Variants in UBE4B observed in about 807,000 individuals in gnomAD.
UBE4B encodes the protein ubiquitination factor E4B.
In UBE4B, 27 loss-of-function variants were observed where a neutral mutation model predicts 148.1. The observed-to-expected ratio is 0.18, with a 90% CI of 0.13 to 0.25. UBE4B has a LOEUF of 0.25. Among genes scored for constraint, UBE4B ranks in the 10% least tolerant of loss-of-function variants. The pLI is 1.00. For missense variants in UBE4B, 1,170 were observed against 1,662.4 expected (o/e 0.70, Z 5.15); for synonymous variants, 596 against 619.3 (o/e 0.96, Z 0.56).
intron 25 of UBE4B, among the ~76,000 whole-genome samples, chr1:10,175,521 G>A (rs1003810198): frequency 2.0e-5 from 3 of 151,624 alleles, no homozygotes; most frequent in Non-Finnish European, 4.4e-5. Flanking sequence ...CGTGGTGGCG[G>A]GCGCCCGTAG....
chr1:10,050,872 C>T (rs932625175), intron 1 of UBE4B, among the ~76,000 whole-genome samples: 8 of 152,024 alleles, frequency 5.3e-5, no homozygotes, highest in Non-Finnish European at 1.0e-4. Context: ...GGCCTGCCTC[C>T]CAATTCTAGT....
chr1:10,091,490 G>C (rs1644845851), intron 2 of UBE4B, among the ~76,000 whole-genome samples: 1 of 151,994 alleles, frequency 6.6e-6, no homozygotes, highest in South Asian at 2.1e-4. Flanking sequence ...TGTTGCCCAT[G>C]CTGGAGTGCA....
chr1:10,061,631 C>T (rs1215354316), intron 1 of UBE4B, among the ~76,000 whole-genome samples: 2 of 152,012 alleles, frequency 1.3e-5, no homozygotes, highest in Non-Finnish European at 2.9e-5. Context: ...GGTAAGGGAT[C>T]TCCTTGAAAA....
intron 17 of UBE4B, among the ~76,000 whole-genome samples, chr1:10,137,599 A>T (rs1434850927): frequency 1.3e-5 from 2 of 152,168 alleles, no homozygotes; most frequent in African/African-American, 4.8e-5. Flanking sequence ...GATAACCAGG[A>T]TCATTTACTC....
intron 19 of UBE4B, 24 bp downstream of exon 19, chr1:10,147,114 C>T: frequency 6.2e-7 from 1 of 1,613,858 alleles, no homozygotes; most frequent in Non-Finnish European, 8.5e-7. Flanking sequence ...TTCCTGTTTC[C>T]CTTGTCCCTC....
Position 10,035,726 on chromosome 1 carries a change from T to A in UBE4B, c.24+2032T>A, listed in dbSNP as rs1043463653. Reference sequence around the variant, plus strand: ...CGGCCAGAGATAGTTTTTTTATTTTTTTTTATTTTTTATTTATTTTATTTT... The same window carrying A: ...CGGCCAGAGATAGTTTTTTTATTTTATTTTATTTTTTATTTATTTTATTTT... On this transcript the variant is annotated intron_variant, in intron 1 of 27. Coordinates refer to ENST00000343090, the MANE Select transcript of UBE4B (RefSeq NM_001105562.3). 4.2e-5 allele frequency among the ~76,000 whole-genome samples: 6 copies of A among 143,404 alleles called. No homozygotes were observed. In the East Asian group the frequency reaches 1.1e-3, roughly 25 times the overall value. 94.1% of individuals were successfully genotyped at this position (143,404 alleles called of 152,430 possible).
intron 2 of UBE4B, among the ~76,000 whole-genome samples, chr1:10,094,079 C>T (rs1236107809): frequency 1.3e-5 from 2 of 152,060 alleles, no homozygotes; most frequent in African/African-American, 4.8e-5. Flanking sequence ...CCTGGGTAAA[C>T]ATTCTTCTTT....
Position 10,117,506 on chromosome 1 carries a change from A to G in UBE4B, c.1244A>G (p.His415Arg). The change falls in exon 8 of 28, where the codon CAT becomes CGT. Residue 415 changes from histidine to arginine, a missense_variant. By Grantham distance (29) the His-to-Arg change is conservative. Transcript: ENST00000343090. ...AGTAATTGGGATTCCTACAGTGACC[A>G]TTTCACCATTGAAACCTGCAAAGAG... is the stretch of plus-strand genomic sequence containing the variant. ...GASNWDSYSD[H>R]FTIETCKETD... is the part of the protein sequence containing the mutation. 2 of 1,613,132 alleles carry G rather than the reference A, an allele frequency of 1.2e-6. No individual in the cohort carries two copies. Among genetic ancestry groups the G allele is most frequent in the Non-Finnish European group, 1.7e-6 (2 of 1,179,776 alleles).
chr1:10,057,458 C>T (rs1644196089), intron 1 of UBE4B, among the ~76,000 whole-genome samples: 1 of 147,380 alleles, frequency 6.8e-6, no homozygotes, highest in African/African-American at 2.5e-5. Flanking sequence ...TGTCTGTTGC[C>T]CAGGCTGGAG....
At chr1:10,116,697 A>G (rs761500496) in intron 7 of UBE4B, among the ~76,000 whole-genome samples, 5 of 152,178 alleles carry the variant, frequency 3.3e-5, no homozygotes, top group Non-Finnish European at 7.4e-5. Context: ...GAGGATAGTT[A>G]CTACTAACAT....
chr1:10,139,243 A>G (rs1645747335), intron 17 of UBE4B, among the ~76,000 whole-genome samples: 1 of 152,186 alleles, frequency 6.6e-6, no homozygotes, highest in South Asian at 2.1e-4. Context: ...TACAAAAATT[A>G]GCTGGGCATG....
intron 8 of UBE4B, among the ~76,000 whole-genome samples, chr1:10,118,642 T>A (rs1206411052): frequency 6.7e-6 from 1 of 149,762 alleles, no homozygotes; most frequent in African/African-American, 2.5e-5. Flanking sequence ...GTAGCTGAGA[T>A]TACAGGCATG....
rs1416384963 is a variant in UBE4B, at chr1:10,150,283, A to G, written c.2690+1001A>G. On this transcript the variant is annotated intron_variant, in intron 20 of 27. Coordinates refer to ENST00000343090, the MANE Select transcript of UBE4B (RefSeq NM_001105562.3). ...TATGAAATTTTAAAAGTGACTCAAAAACGTGGTTTATTTGTTGAAAAACCA... is the reference window on the plus strand; with the variant it reads ...TATGAAATTTTAAAAGTGACTCAAAGACGTGGTTTATTTGTTGAAAAACCA... Among the ~76,000 whole-genome samples the G allele has an allele frequency of 1.7e-4, 26 of 152,180 alleles. 1 individual carries two copies. The highest frequency in any genetic ancestry group is 1.7e-3 in the Admixed American group (26 of 15,274).
At chr1:10,128,560 G>A (rs1645540119) in intron 11 of UBE4B, 1 of 152,216 alleles carries the variant, frequency 6.6e-6, no homozygotes, top group South Asian at 2.1e-4. Flanking sequence ...GGTGTGGCAT[G>A]GCATTGGGGT....
At chr1:10,095,344 C>T in intron 2 of UBE4B, 117 bp from the exon 3 acceptor site, 4 of 1,197,846 alleles carry the variant, frequency 3.3e-6, no homozygotes, top group South Asian at 1.5e-5. Context: ...AGAAATTCCT[C>T]GGTTGCTGCA....
At position 10,168,867 on chromosome 1, in the gene UBE4B, G is replaced by A. The variant is rs566827579; in HGVS notation, c.3333+597G>A. Among the ~76,000 whole-genome samples, 6 of 151,116 alleles carry A rather than the reference G, an allele frequency of 4.0e-5. No homozygotes were observed. In the East Asian group the frequency reaches 1.2e-3, roughly 29 times the overall value. On this transcript the variant is annotated intron_variant, in intron 24 of 27. Coordinates refer to ENST00000343090, the MANE Select transcript of UBE4B (RefSeq NM_001105562.3). This position sits in a 1 kb window ranked among gnomAD's most constrained non-coding sequence, Gnocchi z 4.9. ...AGATGGTGCCACTGCACTCCAGCCTGGGCGACAGAGTGAGACTCCATCTCA... is the reference window on the plus strand; with the variant it reads ...AGATGGTGCCACTGCACTCCAGCCTAGGCGACAGAGTGAGACTCCATCTCA...
chr1:10,037,802 C>T (rs925982053), intron 1 of UBE4B, among the ~76,000 whole-genome samples: 42 of 151,260 alleles, frequency 2.8e-4, no homozygotes, highest in African/African-American at 1.0e-3. Flanking sequence ...GTGATCCACC[C>T]GCCTTGGCCT....
intron 1 of UBE4B, among the ~76,000 whole-genome samples, chr1:10,036,604 G>C (rs1169451166): frequency 1.3e-5 from 2 of 151,774 alleles, no homozygotes; most frequent in Non-Finnish European, 2.9e-5. Context: ...CAAAGTGGGA[G>C]CCAGACAAAT....
chr1:10,156,508 G>A (rs906597487), intron 21 of UBE4B, among the ~76,000 whole-genome samples: 2 of 152,014 alleles, frequency 1.3e-5, no homozygotes, highest in African/African-American at 4.8e-5. Context: ...CTGAAGTGCT[G>A]GAAATACAGA....
Sources: allele counts gnomAD v4.1 joint callset (sites outside exome capture counted in the v4.1 genomes callset), GRCh38; gene constraint gnomAD v4.1.1; non-coding constraint Gnocchi (gnomAD v3.1); transcripts MANE v1.5; gene names NCBI Gene and HGNC (gene_info 2026-07-23, HGNC 2026-07-21).